PDLIM2: variants seen among roughly 807,000 people sequenced by gnomAD.
The protein encoded by PDLIM2 is PDZ and LIM domain 2, also known as PDZ and LIM domain protein 2.
A neutral mutation model predicts 54.1 loss-of-function variants in PDLIM2; 51 were observed. The ratio of observed to expected loss-of-function variants is 0.94; its 90% CI spans 0.75 to 1.19. The LOEUF (loss-of-function observed/expected upper bound fraction) is 1.19, where lower values mean the gene tolerates loss of function less well. Among genes scored for constraint, PDLIM2 ranks in the 50% most tolerant of loss-of-function variants. The pLI is 0.00. For synonymous variants in PDLIM2, 398 were observed against 385.6 expected, an observed-to-expected ratio of 1.03 and a Z score of -0.38; for missense variants, 912 against 874.0, an observed-to-expected ratio of 1.04 and a Z score of -0.55.
rs375615867 is a variant in PDLIM2 at position 22,589,547 on chromosome 8, C to T, written c.1368-49C>T. 6.4e-6 allele frequency: 10 copies of T among 1,572,186 alleles called. No individual in the cohort carries two copies. The African/African-American group carries it at 9.5e-5, about 15-fold the overall frequency. On this transcript the variant is annotated intron_variant, in intron 7 of 9. Coordinates refer to ENST00000308354, the Ensembl canonical transcript of PDLIM2. ...TCCTGCCCCCCACCCCCTTGCTTGC[C>T]TAAGCTCCGGCACGGGACCCTCATT...
chr8:22,579,670 G>T, intron 1 of PDLIM2: 2 of 1,028,398 alleles, frequency 1.9e-6, no homozygotes, highest in Non-Finnish European at 2.6e-6. Context: ...ATAGATTCTC[G>T]CAGCACTTGC....
At chr8:22,591,615 C>T (rs756719916) in exon 9 of PDLIM2, 1 of 1,613,470 alleles carries the variant, frequency 6.2e-7, no homozygotes, top group East Asian at 2.2e-5. Flanking sequence ...CCTCCAGGGC[C>T]CTGGCCACCC....
intron 3 of PDLIM2, among the ~76,000 whole-genome samples, chr8:22,582,506 G>A (rs962466261): frequency 1.3e-5 from 2 of 152,074 alleles, no homozygotes; most frequent in African/African-American, 2.4e-5. Flanking sequence ...ACCAGGGCTC[G>A]GGGGAGGTAG....
chr8:22,585,468 C>T (rs1800347549), intron 6 of PDLIM2, 69 bp downstream of exon 5: 5 of 1,473,278 alleles, frequency 3.4e-6, no homozygotes, highest in Admixed American at 4.0e-5. Context: ...GTTGCCAGTG[C>T]CCCGGGACTG....
intron 6 of PDLIM2, chr8:22,588,209 G>A (rs1239486201): frequency 6.6e-6 from 1 of 152,256 alleles, no homozygotes; most frequent in Non-Finnish European, 1.5e-5. Context: ...CCTATAGAAC[G>A]TTTTACTGGA....
At chr8:22,588,052 C>T (rs1800429542) in intron 6 of PDLIM2, 1 of 152,290 alleles carries the variant, frequency 6.6e-6, no homozygotes, top group South Asian at 2.1e-4. Context: ...CTCGTGAATT[C>T]CTGCGGAAAC....
chr8:22,584,942 G>T, intron 4 of PDLIM2, 52 bp downstream of exon 3: 1 of 1,613,888 alleles, frequency 6.2e-7, no homozygotes, highest in Non-Finnish European at 8.5e-7. Context: ...ACTGGTGCAT[G>T]AAAGTGAGGC....
At chr8:22,579,089 T>C (rs1800112787) in exon 1 of PDLIM2, 1 of 1,259,966 alleles carries the variant, frequency 7.9e-7, no homozygotes, top group Non-Finnish European at 9.9e-7. Flanking sequence ...CGGGATCACA[T>C]GGGCGGAGGC....
intron 2 of PDLIM2, chr8:22,581,156 C>T: frequency 1.5e-6 from 1 of 660,990 alleles, no homozygotes; most frequent in Non-Finnish European, 2.8e-6. Flanking sequence ...ACTGCACATT[C>T]TTTGGGAGGC....
At chr8:22,594,077 T>G in exon 10 of PDLIM2, 1 of 1,431,384 alleles carries the variant, frequency 7.0e-7, no homozygotes, top group South Asian at 1.5e-5. Flanking sequence ...TGTCTTGGAC[T>G]GTGGGAGACT....
chr8:22,586,727 C>G (rs189988701), intron 6 of PDLIM2, among the ~76,000 whole-genome samples: 10 of 152,178 alleles, frequency 6.6e-5, no homozygotes, highest in Admixed American at 3.3e-4. Flanking sequence ...GCAGGACCCA[C>G]GTGCTCAAGG....
downstream of PDLIM2, chr8:22,597,756 ATCT>A (rs946780184): frequency 3.9e-5 from 6 of 152,438 alleles, no homozygotes; most frequent in Non-Finnish European, 7.3e-5. Context: ...GATTCCACAC[ATCT>A]TCTTGGTCTT....
At chr8:22,579,175 C>G in exon 1 of PDLIM2, 1 of 1,364,308 alleles carries the variant, frequency 7.3e-7, no homozygotes, top group Non-Finnish European at 9.4e-7. Flanking sequence ...TCCCCGCCTT[C>G]CCTCCCTCCC....
intron 1 of PDLIM2, chr8:22,579,922 C>T: frequency 5.1e-6 from 1 of 195,116 alleles, no homozygotes; most frequent in Non-Finnish European, 1.0e-5. Flanking sequence ...GACAGATGAA[C>T]CCTGGCCTCC....
chr8:22,589,681 GC>G lies in PDLIM2; in HGVS notation c.1459del (p.Arg487AspfsTer29). 4 of 1,575,152 alleles carry G rather than the reference GC, an allele frequency of 2.5e-6. No individual in the cohort carries two copies. The highest frequency in any genetic ancestry group is 1.8e-5 in the Admixed American group (1 of 54,962). On this transcript the variant is annotated frameshift_variant, in exon 8 of 10. Transcript: ENST00000308354. LOFTEE classifies it high-confidence loss of function. ...GCAGGAAAATCGCGAGGGACGGGCGGCCCCCCGACAGTCCAGCTCCTTTCGG... is the reference window on the plus strand; with the variant it reads ...GCAGGAAAATCGCGAGGGACGGGCGGCCCCCGACAGTCCAGCTCCTTTCGG...
chr8:22,591,487 G>T, intron 8 of PDLIM2, 64 bp from the exon 8 acceptor site: 1 of 1,446,412 alleles, frequency 6.9e-7, no homozygotes, highest in Non-Finnish European at 9.7e-7. Context: ...CCTCCTCAGA[G>T]CATCTTTGGG....
intron 3 of PDLIM2, among the ~76,000 whole-genome samples, chr8:22,583,095 C>T (rs1038605129): frequency 5.9e-5 from 9 of 152,158 alleles, no homozygotes; most frequent in Middle Eastern, 3.4e-3. Flanking sequence ...GGCAGCCTCA[C>T]GGCCAGGAAT....
In PDLIM2 at chr8:22,579,050, C is replaced by T. The variant is rs866273389; in HGVS notation, c.271C>T (p.Arg91Trp). Residue 91 changes from arginine to tryptophan, a missense_variant, in exon 1 of 10, where the codon CGG becomes TGG. By Grantham distance (101) the Arg-to-Trp change is moderately radical (BLOSUM62 -3). Transcript: ENST00000308354. ...TCGCCGCGCGGAGGCGGCGGCTTCT[C>T]GGGCTAGGGGCGGCGGCAGGGGCGG... 3.5e-5 allele frequency: 44 copies of T among 1,241,174 alleles called. No homozygotes were observed. The Admixed American group carries it at 1.4e-3, about 41-fold the overall frequency. The allele number at this position is 1,241,174 out of a possible 1,614,324, so 76.9% of individuals were successfully genotyped here. A position where few individuals can be genotyped will look rare whatever the true frequency, so the allele number is the denominator to read the frequency against.
chr8:22,585,828 C>A (rs1403818596), intron 6 of PDLIM2: 1 of 154,286 alleles, frequency 6.5e-6, no homozygotes, highest in Admixed American at 6.5e-5. Context: ...CACACCCTCC[C>A]TTCCTCCTCT....
Sources: allele counts gnomAD v4.1 joint callset (sites outside exome capture counted in the v4.1 genomes callset), GRCh38; gene constraint gnomAD v4.1.1; transcripts MANE v1.5; gene names NCBI Gene and HGNC (gene_info 2026-07-23, HGNC 2026-07-21).